Variants in POT1 observed in about 807,000 individuals in gnomAD.
The protein encoded by POT1 is protection of telomeres 1.
A neutral mutation model predicts 78.5 loss-of-function variants in POT1; 47 were observed. That is an observed-to-expected ratio of 0.60 (90% CI 0.47 to 0.76). The LOEUF (loss-of-function observed/expected upper bound fraction) is 0.76, where lower values mean the gene tolerates loss of function less well. POT1 is among the 30% of genes least tolerant of loss of function. The pLI, the probability that POT1 is intolerant of heterozygous loss-of-function variation, is 0.00. For missense variants in POT1, 646 were observed against 749.9 expected (o/e 0.86, Z 1.62); for synonymous variants, 259 against 260.7 (o/e 0.99, Z 0.06).
chr7:124,844,500 G>A (rs994336493), intron 12 of POT1, among the ~76,000 whole-genome samples: 1 of 146,850 alleles, frequency 6.8e-6, no homozygotes, highest in Non-Finnish European at 1.5e-5. Flanking sequence ...ACTTTGGGAG[G>A]CCGAGGCGGG....
chr7:124,906,202 C>A (rs922110368), intron 3 of POT1, among the ~76,000 whole-genome samples: 1 of 152,012 alleles, frequency 6.6e-6, no homozygotes, highest in South Asian at 2.1e-4. Context: ...ATGTTTAGTG[C>A]GCCACTATTC....
chr7:124,894,584 T>A (rs540679443), intron 5 of POT1, among the ~76,000 whole-genome samples: 1 of 151,768 alleles, frequency 6.6e-6, no homozygotes, highest in Non-Finnish European at 1.5e-5. Context: ...TGCTTCTTAA[T>A]CATTCTCTAA....
chr7:124,923,449 G>A (rs527931790), intron 2 of POT1, among the ~76,000 whole-genome samples: 14 of 151,752 alleles, frequency 9.2e-5, no homozygotes, highest in South Asian at 2.1e-4. Context: ...AAGACAGAAC[G>A]AAATTTTGAA....
At chr7:124,923,905 A>AT (rs1205029386) in intron 2 of POT1, among the ~76,000 whole-genome samples, 1 of 151,806 alleles carries the variant, frequency 6.6e-6, no homozygotes, top group Non-Finnish European at 1.5e-5. Flanking sequence ...AAACAAACAA[A>AT]CAAACAAAAA....
intron 3 of POT1, among the ~76,000 whole-genome samples, chr7:124,905,114 T>G (rs996796350): frequency 6.6e-6 from 1 of 152,088 alleles, no homozygotes; most frequent in Non-Finnish European, 1.5e-5. Context: ...AAGCTACCAA[T>G]GACTTTCTTC....
At chr7:124,870,339 T>C (rs1358644504) in intron 7 of POT1, among the ~76,000 whole-genome samples, 1 of 152,118 alleles carries the variant, frequency 6.6e-6, no homozygotes, top group Non-Finnish European at 1.5e-5. Context: ...AATTGTGCTA[T>C]TTAATAACTC....
chr7:124,888,832 T>A (rs543541260), intron 6 of POT1, among the ~76,000 whole-genome samples: 1 of 152,100 alleles, frequency 6.6e-6, no homozygotes, highest in South Asian at 2.1e-4. Flanking sequence ...CACACCCATA[T>A]AAGACAGTGT....
At chr7:124,895,027 A>G (rs1470493782) in intron 5 of POT1, among the ~76,000 whole-genome samples, 8 of 151,734 alleles carry the variant, frequency 5.3e-5, no homozygotes, top group Admixed American at 4.0e-4. Flanking sequence ...TCCTAGGTTA[A>G]TAAAACTAGC....
At chr7:124,858,808 TAC>T in intron 9 of POT1, 147 bp downstream of exon 9, 1 of 480,940 alleles carries the variant, frequency 2.1e-6, no homozygotes, top group Non-Finnish European at 3.4e-6. Context: ...TATTGTAACA[TAC>T]ATTTTACAAC....
At chr7:124,895,719 G>T (rs1057434966) in intron 5 of POT1, among the ~76,000 whole-genome samples, 6 of 151,530 alleles carry the variant, frequency 4.0e-5, no homozygotes, top group Non-Finnish European at 8.9e-5. Flanking sequence ...TTTAAAGAAA[G>T]AACTAATTAA....
chr7:124,859,207 A>C, intron 8 of POT1, 95 bp from the exon 9 acceptor site: 2 of 869,748 alleles, frequency 2.3e-6, no homozygotes, highest in Non-Finnish European at 3.3e-6. Flanking sequence ...AAGTAATTAA[A>C]CTTATGCCTC....
intron 15 of POT1, among the ~76,000 whole-genome samples, chr7:124,833,602 T>G (rs930148666): frequency 6.6e-6 from 1 of 152,198 alleles, no homozygotes; most frequent in African/African-American, 2.4e-5. Context: ...GGCAGCAAAT[T>G]TGTAATTTAG....
At chr7:124,845,836 T>C (rs537224270) in intron 12 of POT1, among the ~76,000 whole-genome samples, 1 of 152,290 alleles carries the variant, frequency 6.6e-6, no homozygotes, top group East Asian at 1.9e-4. Context: ...GGCTCATGCA[T>C]TCCTGCTTTA....
At chr7:124,906,622 A>C (rs540450207) in intron 3 of POT1, among the ~76,000 whole-genome samples, 1 of 152,308 alleles carries the variant, frequency 6.6e-6, no homozygotes, top group South Asian at 2.1e-4. Flanking sequence ...CATGTACCCT[A>C]GAACTTAAAA....
At position 124,845,539 on chromosome 7, in the gene POT1, G is replaced by C. The variant is rs188865187; in HGVS notation, c.1006+1403C>G. Among the ~76,000 whole-genome samples, 794 of 152,146 alleles carry C rather than the reference G, an allele frequency of 5.2e-3. 3 individuals carry two copies. Among genetic ancestry groups the C allele is most frequent in the Non-Finnish European group, 7.7e-3 (524 of 67,982 alleles). On this transcript the variant is annotated intron_variant, in intron 12 of 18. Transcript: ENST00000357628. Reference sequence around the variant, plus strand: ...CTGTAGACCTAAACTTTATTCAGCTGGTAAAGGTAGTGTCCAATCACTTCT... The same window carrying C: ...CTGTAGACCTAAACTTTATTCAGCTCGTAAAGGTAGTGTCCAATCACTTCT...
At chr7:124,869,979 A>T (rs547989328) in intron 7 of POT1, among the ~76,000 whole-genome samples, 1 of 152,200 alleles carries the variant, frequency 6.6e-6, no homozygotes, top group Non-Finnish European at 1.5e-5. Flanking sequence ...AAAGTGCCTA[A>T]GAGTAGAACA....
intron 2 of POT1, among the ~76,000 whole-genome samples, chr7:124,923,039 A>G (rs1462395273): frequency 6.6e-6 from 1 of 151,762 alleles, no homozygotes; most frequent in Non-Finnish European, 1.5e-5. Flanking sequence ...TGCAATTTCA[A>G]AAAAAATAGA....
In POT1 at chr7:124,897,202, T is replaced by C. The variant is rs1412656297; in HGVS notation, c.-29A>G. The C allele has an allele frequency of 4.9e-6, 7 of 1,430,872 alleles. No homozygotes were observed. Among genetic ancestry groups the C allele is most frequent in the Admixed American group, 1.9e-5 (1 of 52,634 alleles). 88.6% of individuals were successfully genotyped at this position (1,430,872 alleles called of 1,614,324 possible). A position where few individuals can be genotyped will look rare whatever the true frequency, so the allele number is the denominator to read the frequency against. On this transcript the variant is annotated 5_prime_UTR_variant, in exon 5 of 19. Transcript: ENST00000357628. ...TTCTGTAGAAAAATCTCTTAAAGAT[T>C]TGACATAAACCTGAAGGAAAAAAAG... is the stretch of plus-strand genomic sequence containing the variant.
intron 3 of POT1, among the ~76,000 whole-genome samples, chr7:124,907,931 TAAAGG>T (rs948936592): frequency 2.0e-5 from 3 of 151,988 alleles, no homozygotes; most frequent in Non-Finnish European, 2.9e-5. Context: ...TACCTCCTAA[TAAAGG>T]AAACAGTCAG....
Sources: gnomAD v4.1 joint callset for allele counts (sites outside exome capture counted in the v4.1 genomes callset) on GRCh38, gnomAD v4.1.1 for gene constraint, MANE v1.5 for transcripts, NCBI Gene and HGNC (gene_info 2026-07-23, HGNC 2026-07-21) for gene names.